Variants in NPAS2 observed in about 807,000 individuals in gnomAD.
NPAS2 encodes the protein neuronal PAS domain protein 2, also known as neuronal PAS domain-containing protein 2.
In NPAS2, 23 loss-of-function variants were observed where a neutral mutation model predicts 107.5. The ratio of observed to expected loss-of-function variants is 0.21; its 90% CI spans 0.15 to 0.30. The LOEUF is 0.30. Among genes scored for constraint, NPAS2 ranks in the 10% least tolerant of loss-of-function variants. NPAS2 has a pLI of 1.00. For synonymous variants in NPAS2, 403 were observed against 417.5 expected (o/e 0.97, Z 0.42); for missense variants, 756 against 1,043.3 (o/e 0.72, Z 3.79).
chr2:100,840,061 C>T (rs527469140), intron 1 of NPAS2, among the ~76,000 whole-genome samples: 125 of 152,220 alleles, frequency 8.2e-4, no homozygotes, highest in African/African-American at 2.9e-3. Context: ...GGCATTACTC[C>T]GTTCACCTAT....
At chr2:100,849,453 G>A (rs891174458) in intron 1 of NPAS2, among the ~76,000 whole-genome samples, 2 of 152,124 alleles carry the variant, frequency 1.3e-5, no homozygotes, top group South Asian at 2.1e-4. Context: ...CAGTGTTTGC[G>A]CAGTTGGTTT....
At chr2:100,957,421 A>C (rs1271466064) in intron 7 of NPAS2, among the ~76,000 whole-genome samples, 1 of 152,252 alleles carries the variant, frequency 6.6e-6, no homozygotes, top group South Asian at 2.1e-4. Context: ...AGAGCTTAAC[A>C]AGATGATTTT....
rs1678405585 is a variant in NPAS2 at position 100,995,580 on chromosome 2, T to A, written c.2473T>A (p.Ter825LysextTer16). ...GTCAGGCCTCCAGCAGCCGCCCCGA[T>A]AATGCCCCGGCACTGAAGTCGGGAC... is the stretch of plus-strand genomic sequence containing the variant. ...ESSGLQQPPR* is the reference protein window; with the variant it reads ...ESSGLQQPPRK The change falls in exon 21 of 21, where the codon TAA becomes AAA. Residue 825 changes from the stop codon to lysine, a stop_lost. Transcript: ENST00000335681. 2 of 1,604,348 alleles carry A rather than the reference T, an allele frequency of 1.2e-6. No homozygotes were observed. The highest frequency in any genetic ancestry group is 1.7e-6 in the Non-Finnish European group (2 of 1,175,024).
chr2:100,939,032 T>A (rs1243325932), intron 5 of NPAS2, among the ~76,000 whole-genome samples: 2 of 152,158 alleles, frequency 1.3e-5, no homozygotes, highest in Non-Finnish European at 2.9e-5. Flanking sequence ...TAGCTGCCCC[T>A]GCCCAGGGAA....
Position 100,976,563 on chromosome 2 carries a change from A to C in NPAS2, c.1392+996A>C, listed in dbSNP as rs1677023751. ...AGGGGCCACCTCCAGATAGTTGCCA[A>C]ACCCCTCCCACCCACACTTCACTGT... On this transcript the variant is annotated intron_variant, in intron 14 of 20. Coordinates refer to ENST00000335681, the MANE Select transcript of NPAS2 (RefSeq NM_002518.4). The surrounding 1 kb of genome is among the most constrained non-coding windows in gnomAD (Gnocchi z 4.1). Among the ~76,000 whole-genome samples, 2 of 152,088 alleles carry C rather than the reference A, an allele frequency of 1.3e-5. No homozygotes were observed. The highest frequency in any genetic ancestry group is 4.8e-5 in the African/African-American group (2 of 41,410).
chr2:100,898,934 A>G (rs1452108260), intron 1 of NPAS2, among the ~76,000 whole-genome samples: 1 of 152,202 alleles, frequency 6.6e-6, no homozygotes, highest in Non-Finnish European at 1.5e-5. Context: ...AGCCATGTTG[A>G]CAGCATGATG....
At position 100,897,351 on chromosome 2, in the gene NPAS2, GT is replaced by G. The variant is rs1681477866; in HGVS notation, c.-22-7381del. Among the ~76,000 whole-genome samples, 11 of 152,276 alleles carry G rather than the reference GT, an allele frequency of 7.2e-5. 2 individuals carry two copies. Among genetic ancestry groups the G allele is most frequent in the African/African-American group, 2.4e-4 (10 of 41,564 alleles). ...CAAAGTAGAGAACCTGTTTTTGAGT[GT>G]CTGCTGCAGGCCAGACTTTGCAAAC... On this transcript the variant is annotated intron_variant, in intron 1 of 20. Transcript: ENST00000335681.
chr2:100,882,346 A>C (rs998834801), intron 1 of NPAS2, among the ~76,000 whole-genome samples: 1 of 152,212 alleles, frequency 6.6e-6, no homozygotes, highest in Non-Finnish European at 1.5e-5. Flanking sequence ...GCAGTGGCTC[A>C]TGCCTGTAAT....
At chr2:100,869,897 CTTCT>C (rs1323066218) in intron 1 of NPAS2, among the ~76,000 whole-genome samples, 98 of 136,198 alleles carry the variant, frequency 7.2e-4, no homozygotes, top group African/African-American at 2.2e-3. Flanking sequence ...AGACTCCTGA[CTTCT>C]TTTTTTTTTT....
chr2:100,878,337 G>C (rs1289165215), intron 1 of NPAS2: 49 of 985,336 alleles, frequency 5.0e-5, no homozygotes, highest in Non-Finnish European at 5.7e-5. Flanking sequence ...CTGCAGGCCA[G>C]GAGGAGACTG....
At chr2:100,892,294 A>G (rs139014101) in intron 1 of NPAS2, among the ~76,000 whole-genome samples, 2 of 152,320 alleles carry the variant, frequency 1.3e-5, no homozygotes, top group African/African-American at 4.8e-5. Flanking sequence ...AAATTTTTCA[A>G]CTTTCTTCAT....
intron 7 of NPAS2, among the ~76,000 whole-genome samples, chr2:100,962,985 G>A (rs139405568): frequency 1.6e-4 from 25 of 152,328 alleles, no homozygotes; most frequent in Non-Finnish European, 2.6e-4. Flanking sequence ...GAACCATTCC[G>A]GGCCTAGGAC....
intron 1 of NPAS2, among the ~76,000 whole-genome samples, chr2:100,884,938 TTA>T (rs151010069): frequency 6.8e-6 from 1 of 147,506 alleles, no homozygotes; most frequent in Admixed American, 6.8e-5. Flanking sequence ...CTAAGATCCT[TTA>T]TATATATATA....
intron 7 of NPAS2, among the ~76,000 whole-genome samples, chr2:100,958,680 C>T (rs747465217): frequency 2.6e-5 from 4 of 152,114 alleles, no homozygotes; most frequent in Non-Finnish European, 5.9e-5. Flanking sequence ...TCTTTCTGCT[C>T]GTTTCAGTCT....
At chr2:100,876,983 T>G (rs1680010602) in intron 1 of NPAS2, among the ~76,000 whole-genome samples, 1 of 151,614 alleles carries the variant, frequency 6.6e-6, no homozygotes, top group Non-Finnish European at 1.5e-5. Flanking sequence ...ACCAAAGAGG[T>G]TTGGCATTTC....
At chr2:100,856,057 T>C (rs1232892467) in intron 1 of NPAS2, among the ~76,000 whole-genome samples, 1 of 152,188 alleles carries the variant, frequency 6.6e-6, no homozygotes, top group Non-Finnish European at 1.5e-5. Flanking sequence ...ATTAGAGGGA[T>C]TGGAGCTAAG....
At chr2:100,880,903 A>G (rs1278823888) in intron 1 of NPAS2, among the ~76,000 whole-genome samples, 3 of 152,222 alleles carry the variant, frequency 2.0e-5, no homozygotes. Context: ...AAACTGACTC[A>G]TAAATACAAC....
At chr2:100,921,957 G>A (rs547659878) in intron 2 of NPAS2, among the ~76,000 whole-genome samples, 1 of 152,204 alleles carries the variant, frequency 6.6e-6, no homozygotes. Flanking sequence ...ACACAGGAAT[G>A]CTAGTCATCA....
At position 100,937,789 on chromosome 2, in the gene NPAS2, G is replaced by A. The variant is rs757600072; in HGVS notation, c.310G>A (p.Gly104Ser). 5.0e-6 allele frequency: 8 copies of A among 1,613,984 alleles called. No individual in the cohort carries two copies. Among genetic ancestry groups the A allele is most frequent in the East Asian group, 4.5e-5 (2 of 44,896 alleles). Reference sequence around the variant, plus strand: ...CTTCATTATCGCAGTGACAACAGACGGCAGCATCATCTATGTCTCTGACAG... The same window carrying A: ...CTTCATTATCGCAGTGACAACAGACAGCAGCATCATCTATGTCTCTGACAG... ...DGFIIAVTTDGSIIYVSDSIT... is the reference protein window; with the variant it reads ...DGFIIAVTTDSSIIYVSDSIT... The change falls in exon 5 of 21, where the codon GGC becomes AGC. Residue 104 changes from glycine to serine, a missense_variant. By Grantham distance (56) the Gly-to-Ser change is moderately conservative. This residue lies in a region of NPAS2 where 146 missense variants were observed against 249.6 expected (regional missense o/e 0.58). Transcript: ENST00000335681.
Sources: allele counts gnomAD v4.1 joint callset (sites outside exome capture counted in the v4.1 genomes callset), GRCh38; gene constraint gnomAD v4.1.1; regional missense constraint gnomAD v4.1.1; non-coding constraint Gnocchi (gnomAD v3.1); transcripts MANE v1.5; gene names NCBI Gene and HGNC (gene_info 2026-07-23, HGNC 2026-07-21).